TTLL5: variants seen among roughly 807,000 people sequenced by gnomAD.
TTLL5 encodes tubulin tyrosine ligase like 5, also known as tubulin polyglutamylase TTLL5.
A neutral mutation model predicts 168.4 loss-of-function variants in TTLL5; 132 were observed. The observed-to-expected ratio is 0.78, with a 90% CI of 0.68 to 0.91. The LOEUF (loss-of-function observed/expected upper bound fraction) is 0.91. Among genes scored for constraint, TTLL5 ranks in the 40% least tolerant of loss-of-function variants. The pLI is 0.00. For missense variants in TTLL5, 1,545 were observed against 1,581.5 expected (o/e 0.98, Z 0.39); for synonymous variants, 546 against 558.6 (o/e 0.98, Z 0.32).
intron 3 of TTLL5, among the ~76,000 whole-genome samples, chr14:75,670,725 G>A (rs555689802): frequency 2.7e-4 from 41 of 152,224 alleles, no homozygotes; most frequent in Non-Finnish European, 8.8e-5. Context: ...TTTGGAGAAA[G>A]GCCTATTCAA....
chr14:75,730,267 A>T (rs1351436203), intron 12 of TTLL5, among the ~76,000 whole-genome samples: 1 of 152,134 alleles, frequency 6.6e-6, no homozygotes, highest in Non-Finnish European at 1.5e-5. Flanking sequence ...ATTTTTTCTC[A>T]GGTTAAAGGG....
intron 28 of TTLL5, among the ~76,000 whole-genome samples, chr14:75,854,457 A>G (rs909978892): frequency 6.6e-6 from 1 of 152,246 alleles, no homozygotes; most frequent in African/African-American, 2.4e-5. Flanking sequence ...TTTGACTACT[A>G]TGAATACAAA....
intron 28 of TTLL5, among the ~76,000 whole-genome samples, chr14:75,824,123 A>G (rs551762277): frequency 2.6e-5 from 4 of 152,266 alleles, no homozygotes; most frequent in African/African-American, 7.2e-5. Flanking sequence ...TGCATTTTCT[A>G]TATGTCAGGC....
chr14:75,853,334 T>TTAAAC (rs776086166), intron 28 of TTLL5, among the ~76,000 whole-genome samples: 2 of 152,214 alleles, frequency 1.3e-5, no homozygotes, highest in African/African-American at 2.4e-5. Flanking sequence ...CTCCTGGGCT[T>TTAAAC]TAAACCCCTG....
At chr14:75,948,986 G>T (rs1191356685) in intron 31 of TTLL5, among the ~76,000 whole-genome samples, 1 of 152,106 alleles carries the variant, frequency 6.6e-6, no homozygotes, top group Non-Finnish European at 1.5e-5. Context: ...TGTTTTACTG[G>T]TGAGTCCTAC....
chr14:75,861,969 A>T (rs2030040571), intron 28 of TTLL5, among the ~76,000 whole-genome samples: 1 of 152,228 alleles, frequency 6.6e-6, no homozygotes, highest in Non-Finnish European at 1.5e-5. Context: ...CTTTGTCATT[A>T]TGCCAAACTG....
At chr14:75,753,010 T>C (rs1265920748) in intron 18 of TTLL5, 55 bp downstream of exon 18, 15 of 1,528,458 alleles carry the variant, frequency 9.8e-6, no homozygotes, top group African/African-American at 1.4e-5. Context: ...TAACAGAAAG[T>C]ACATGTCAAA....
At chr14:75,876,753 A>G (rs900905627) in intron 29 of TTLL5, among the ~76,000 whole-genome samples, 1 of 152,128 alleles carries the variant, frequency 6.6e-6, no homozygotes, top group Non-Finnish European at 1.5e-5. Context: ...ACAGCCAAGA[A>G]CTCCATACAG....
intron 30 of TTLL5, among the ~76,000 whole-genome samples, chr14:75,898,012 C>G (rs2032749356): frequency 6.6e-6 from 1 of 152,118 alleles, no homozygotes; most frequent in African/African-American, 2.4e-5. Flanking sequence ...TTAATGGCAC[C>G]TTTTGTCCCA....
chr14:75,669,156 C>T (rs1436096004), intron 2 of TTLL5, among the ~76,000 whole-genome samples: 1 of 152,184 alleles, frequency 6.6e-6, no homozygotes, highest in Non-Finnish European at 1.5e-5. Context: ...GTTTATGTGC[C>T]TATCTCTGAA....
rs1418280629 is a variant in TTLL5 at position 75,717,777 on chromosome 14, A to G, written c.741-84A>G. 7.0e-6 allele frequency: 9 copies of G among 1,293,378 alleles called. No individual in the cohort carries two copies. In the South Asian group the frequency reaches 7.6e-5, roughly 11 times the overall value. The allele number at this position is 1,293,378 out of a possible 1,614,324, so 80.1% of individuals were successfully genotyped here. A position where few individuals can be genotyped will look rare whatever the true frequency, so the allele number is the denominator to read the frequency against. On this transcript the variant is annotated intron_variant, in intron 9 of 31. Coordinates refer to ENST00000298832, the MANE Select transcript of TTLL5 (RefSeq NM_015072.5). ...TTAGGTAATGATATTACCCTCCTTTATTATTATCTCATTGATCCTCAGTTC... is the reference window on the plus strand; with the variant it reads ...TTAGGTAATGATATTACCCTCCTTTGTTATTATCTCATTGATCCTCAGTTC...
At chr14:75,866,354 C>T (rs552444561) in intron 29 of TTLL5, among the ~76,000 whole-genome samples, 1 of 152,282 alleles carries the variant, frequency 6.6e-6, no homozygotes, top group South Asian at 2.1e-4. Context: ...CCAATGAACT[C>T]CTTGCACTTG....
At chr14:75,885,869 T>C (rs2032089526) in intron 30 of TTLL5, among the ~76,000 whole-genome samples, 1 of 152,240 alleles carries the variant, frequency 6.6e-6, no homozygotes, top group Non-Finnish European at 1.5e-5. Flanking sequence ...CAGTGCCTGG[T>C]ATGTAATACA....
Position 75,813,746 on chromosome 14 carries a change from T to C in TTLL5, c.3172-6261T>C, listed in dbSNP as rs533217638. Among the ~76,000 whole-genome samples the C allele has an allele frequency of 4.6e-5, 7 of 152,174 alleles. No homozygotes were observed. In the South Asian group the frequency reaches 1.0e-3, roughly 23 times the overall value. On this transcript the variant is annotated intron_variant, in intron 27 of 31. Transcript: ENST00000298832. The stretch of plus-strand genomic sequence containing the variant: ...CAAACACAGACTTATAAGCTTCTTA[T>C]GTGTATATACTTGTGTTTTTCACTT...
At chr14:75,913,859 C>T (rs748001688) in intron 31 of TTLL5, among the ~76,000 whole-genome samples, 6 of 150,764 alleles carry the variant, frequency 4.0e-5, no homozygotes, top group Non-Finnish European at 8.8e-5. Context: ...ATTAAAAATA[C>T]AAAAATTAGC....
intron 21 of TTLL5, among the ~76,000 whole-genome samples, chr14:75,772,636 A>G (rs1891411556): frequency 6.6e-6 from 1 of 151,204 alleles, no homozygotes. Context: ...GTAAGGTCAG[A>G]GTTTATGGAA....
intron 17 of TTLL5, among the ~76,000 whole-genome samples, chr14:75,746,044 C>A (rs991804747): frequency 6.6e-6 from 1 of 152,182 alleles, no homozygotes; most frequent in African/African-American, 2.4e-5. Flanking sequence ...TTCCATCACC[C>A]TCGTAGCCCT....
At chr14:75,893,811 C>G (rs2032519614) in intron 30 of TTLL5, among the ~76,000 whole-genome samples, 1 of 96,026 alleles carries the variant, frequency 1.0e-5, no homozygotes, top group East Asian at 3.0e-4. Flanking sequence ...GAGCGAGACT[C>G]CATCTCAAAA....
chr14:75,853,730 A>G (rs547671685), intron 28 of TTLL5, among the ~76,000 whole-genome samples: 1 of 152,362 alleles, frequency 6.6e-6, no homozygotes, highest in Admixed American at 6.5e-5. Flanking sequence ...AAATTGAGGT[A>G]TAATTATGTA....
Sources: gnomAD v4.1 joint callset for allele counts (sites outside exome capture counted in the v4.1 genomes callset) on GRCh38, gnomAD v4.1.1 for gene constraint, MANE v1.5 for transcripts, NCBI Gene and HGNC (gene_info 2026-07-23, HGNC 2026-07-21) for gene names.